The following ARHGAP24 variants were observed in gnomAD, a reference collection of about 807,000 sequenced individuals.
The protein encoded by ARHGAP24 is rho GTPase-activating protein 24.
ARHGAP24 carries 50 observed loss-of-function variants against 76.4 expected under a neutral mutation model. That is an observed-to-expected ratio of 0.65 (90% CI 0.52 to 0.83). The LOEUF (loss-of-function observed/expected upper bound fraction) is 0.83, where lower values mean the gene tolerates loss of function less well. Among genes scored for constraint, ARHGAP24 ranks in the 40% least tolerant of loss-of-function variants. ARHGAP24 has a pLI of 0.00. For synonymous variants in ARHGAP24, 345 were observed against 323.3 expected, an observed-to-expected ratio of 1.07 and a Z score of -0.72; for missense variants, 930 against 914.2, an observed-to-expected ratio of 1.02 and a Z score of -0.22.
chr4:86,000,438 C>A (rs1740940847), intron 9 of ARHGAP24, 41 bp from the exon 10 acceptor site: 2 of 857,320 alleles, frequency 2.3e-6, no homozygotes, highest in South Asian at 1.4e-5. Context: ...ATCTCTTACT[C>A]TTGCGTCCCC....
chr4:85,848,039 C>G (rs1162422136), intron 3 of ARHGAP24, among the ~76,000 whole-genome samples: 4 of 152,104 alleles, frequency 2.6e-5, no homozygotes, highest in Non-Finnish European at 5.9e-5. Flanking sequence ...TTTTCTATAA[C>G]TTTTCTCCCC....
At chr4:85,700,469 G>A (rs1394972908) in intron 2 of ARHGAP24, among the ~76,000 whole-genome samples, 1 of 151,664 alleles carries the variant, frequency 6.6e-6, no homozygotes, top group Non-Finnish European at 1.5e-5. Context: ...AGCTGACGTG[G>A]TGCAAAAGAG....
chr4:85,490,269 A>T (rs1723301148), intron 1 of ARHGAP24, among the ~76,000 whole-genome samples: 1 of 152,196 alleles, frequency 6.6e-6, no homozygotes. Flanking sequence ...GTGATTGCTT[A>T]CAAGATTAGA....
chr4:85,844,684 G>A (rs1054140170), intron 3 of ARHGAP24, among the ~76,000 whole-genome samples: 1 of 152,180 alleles, frequency 6.6e-6, no homozygotes, highest in African/African-American at 2.4e-5. Flanking sequence ...TGCAATGGGA[G>A]TTGTACTTAG....
intron 3 of ARHGAP24, among the ~76,000 whole-genome samples, chr4:85,752,639 A>T (rs1726307699): frequency 6.6e-6 from 1 of 152,210 alleles, no homozygotes; most frequent in Admixed American, 6.5e-5. Context: ...GGAAAGAGAC[A>T]GGCTTGGGTT....
chr4:85,707,573 TA>T (rs1218249090), intron 2 of ARHGAP24, among the ~76,000 whole-genome samples: 2 of 152,256 alleles, frequency 1.3e-5, no homozygotes, highest in South Asian at 2.1e-4. Context: ...ACATAGGTAA[TA>T]ACAAGCAGGG....
At chr4:85,855,676 G>A (rs1399708831) in intron 3 of ARHGAP24, among the ~76,000 whole-genome samples, 2 of 151,738 alleles carry the variant, frequency 1.3e-5, no homozygotes, top group Non-Finnish European at 2.9e-5. Context: ...TACTCGGGAG[G>A]CTGAGGCAGG....
intron 4 of ARHGAP24, among the ~76,000 whole-genome samples, chr4:85,928,280 G>T (rs376307919): frequency 6.9e-6 from 1 of 145,910 alleles, no homozygotes; most frequent in Non-Finnish European, 1.5e-5. Flanking sequence ...TCCCTCCCTC[G>T]CACTCTCCTT....
At chr4:85,795,670 A>T (rs1728312809) in intron 3 of ARHGAP24, among the ~76,000 whole-genome samples, 1 of 152,170 alleles carries the variant, frequency 6.6e-6, no homozygotes, top group Admixed American at 6.5e-5. Flanking sequence ...TGTAATTTTA[A>T]CATGACCACA....
chr4:85,863,752 G>A (rs1333796512), intron 3 of ARHGAP24, among the ~76,000 whole-genome samples: 1 of 152,048 alleles, frequency 6.6e-6, no homozygotes, highest in Non-Finnish European at 1.5e-5. Context: ...CTTGTGAAGT[G>A]GTATAAACCC....
chr4:85,658,849 A>C (rs368145759), intron 2 of ARHGAP24, among the ~76,000 whole-genome samples: 1 of 152,184 alleles, frequency 6.6e-6, no homozygotes, highest in Non-Finnish European at 1.5e-5. Flanking sequence ...TCCTTGGAGT[A>C]ATCCAGAATT....
chr4:85,672,007 GA>G (rs1722829995), intron 2 of ARHGAP24, among the ~76,000 whole-genome samples: 1 of 152,196 alleles, frequency 6.6e-6, no homozygotes, highest in African/African-American at 2.4e-5. Context: ...GTTAACCCAT[GA>G]AAAAATGAAT....
chr4:86,000,442 C>CGGGGGGGGGGGGGGG (rs1740941432), intron 9 of ARHGAP24, 37 bp from the exon 10 acceptor site: 3 of 807,892 alleles, frequency 3.7e-6, no homozygotes, highest in Admixed American at 2.4e-5. Context: ...CTTACTCTTG[C>CGGGGGGGGGGGGGGG]GTCCCCACCC....
intron 3 of ARHGAP24, among the ~76,000 whole-genome samples, chr4:85,897,478 A>G (rs1293166025): frequency 6.6e-6 from 1 of 152,176 alleles, no homozygotes; most frequent in Non-Finnish European, 1.5e-5. Flanking sequence ...TGTTATTATT[A>G]TTATTACTAC....
intron 2 of ARHGAP24, among the ~76,000 whole-genome samples, chr4:85,691,431 AATG>A (rs969052960): frequency 6.6e-6 from 1 of 152,174 alleles, no homozygotes; most frequent in Non-Finnish European, 1.5e-5. Flanking sequence ...TGATCTATCT[AATG>A]ATATCAGTGT....
At chr4:85,773,997 C>G (rs996770067) in intron 3 of ARHGAP24, among the ~76,000 whole-genome samples, 1 of 152,144 alleles carries the variant, frequency 6.6e-6, no homozygotes, top group Non-Finnish European at 1.5e-5. Flanking sequence ...AGTTATTTGC[C>G]TCTGAGTGAC....
intron 1 of ARHGAP24, among the ~76,000 whole-genome samples, chr4:85,487,271 ATATT>A (rs549164183): frequency 0.013 from 1,616 of 125,902 alleles, 41 homozygotes; most frequent in African/African-American, 0.047. Flanking sequence ...ATATAAATAT[ATATT>A]TATTTTATAT....
At chr4:85,743,618 C>T (rs1344840794) in intron 3 of ARHGAP24, among the ~76,000 whole-genome samples, 1 of 151,638 alleles carries the variant, frequency 6.6e-6, no homozygotes, top group Admixed American at 6.6e-5. Context: ...GAAACAAAAC[C>T]CACAGAGAAG....
intron 3 of ARHGAP24, among the ~76,000 whole-genome samples, chr4:85,797,912 C>T (rs974080295): frequency 4.6e-5 from 7 of 152,148 alleles, no homozygotes; most frequent in African/African-American, 1.7e-4. Flanking sequence ...TAAATAGAGA[C>T]ACAATATCTG....
Sources: gnomAD v4.1 joint callset for allele counts (sites outside exome capture counted in the v4.1 genomes callset) on GRCh38, gnomAD v4.1.1 for gene constraint, MANE v1.5 for transcripts, NCBI Gene and HGNC (gene_info 2026-07-23, HGNC 2026-07-21) for gene names.